The following DENND2A variants were observed in gnomAD, a reference collection of about 807,000 sequenced individuals.
DENND2A encodes the protein DENN domain-containing protein 2A.
In DENND2A, 53 loss-of-function variants were observed where a neutral mutation model predicts 105.3. That is an observed-to-expected ratio of 0.50 (90% CI 0.40 to 0.63). The LOEUF is 0.63. Ranked by LOEUF, DENND2A falls within the 30% of genes least tolerant of loss-of-function variation. The pLI, the probability that DENND2A is intolerant of heterozygous loss-of-function variation, is 0.00. For missense variants in DENND2A, 1,138 were observed against 1,279.6 expected (o/e 0.89, Z 1.69); for synonymous variants, 522 against 508.4 (o/e 1.03, Z -0.36).
At chr7:140,635,318 C>T (rs916288058) in intron 1 of DENND2A, among the ~76,000 whole-genome samples, 18 of 152,158 alleles carry the variant, frequency 1.2e-4, no homozygotes, top group Non-Finnish European at 2.2e-4. Context: ...ACAAATATAA[C>T]TTTCATAGAT....
chr7:140,534,102 T>TTTTTTTTTTTTTTTTTTTTG (rs1491445966), intron 14 of DENND2A, among the ~76,000 whole-genome samples: 1 of 132,314 alleles, frequency 7.6e-6, no homozygotes, highest in African/African-American at 2.9e-5. Context: ...TTTTTTTTTT[T>TTTTTTTTTTTTTTTTTTTTG]GAGATGGAGT....
At chr7:140,526,485 G>A (rs908447287) in intron 15 of DENND2A, among the ~76,000 whole-genome samples, 2 of 152,184 alleles carry the variant, frequency 1.3e-5, no homozygotes, top group African/African-American at 4.8e-5. Flanking sequence ...AACAACAGCT[G>A]GAAACATGTG....
chr7:140,575,795 C>G (rs1316358475), intron 5 of DENND2A, among the ~76,000 whole-genome samples: 4 of 151,910 alleles, frequency 2.6e-5, no homozygotes, highest in Admixed American at 2.6e-4. Flanking sequence ...TGGTGAAACC[C>G]CAGTCTCTAT....
intron 9 of DENND2A, among the ~76,000 whole-genome samples, chr7:140,563,380 T>C (rs755087511): frequency 6.6e-6 from 1 of 152,078 alleles, no homozygotes; most frequent in Non-Finnish European, 1.5e-5. Flanking sequence ...ACACGGAAAT[T>C]TCCCACAAAT....
chr7:140,583,763 A>G lies in DENND2A; in HGVS notation c.1245+1826T>C, dbSNP rs537083124. On this transcript the variant is annotated intron_variant, in intron 5 of 19. Coordinates refer to ENST00000496613, the MANE Select transcript of DENND2A (RefSeq NM_015689.5). Reference sequence around the variant, plus strand: ...TGAATGGTGAAACCCCGTCTCTACTAAAAATACAAAAAATTAGCCAGGCGT... The same window carrying G: ...TGAATGGTGAAACCCCGTCTCTACTGAAAATACAAAAAATTAGCCAGGCGT... Among the ~76,000 whole-genome samples the G allele has an allele frequency of 2.7e-5, 4 of 147,822 alleles. No homozygotes were observed. The East Asian group carries it at 5.9e-4, about 22-fold the overall frequency.
At position 140,602,214 on chromosome 7, in the gene DENND2A, G is replaced by A. The variant is rs2130687727; in HGVS notation, c.184C>T (p.Pro62Ser). 1 of 1,614,126 alleles carries A rather than the reference G, an allele frequency of 6.2e-7. No individual in the cohort carries two copies. The highest frequency in any genetic ancestry group is 1.7e-5 in the Admixed American group (1 of 60,020). ...EWEGKKEVPT[P>S]APSRRADGQE... is the part of the protein sequence containing the mutation. ...CCGTCTGCTCTCCTGCTGGGTGCAGGAGTGGGCACCTCTTTCTTCCCTTCC... is the reference window on the plus strand; with the variant it reads ...CCGTCTGCTCTCCTGCTGGGTGCAGAAGTGGGCACCTCTTTCTTCCCTTCC... The change falls in exon 3 of 20, where the codon CCT becomes TCT. Residue 62 changes from proline to serine, a missense_variant. This residue lies in a region of DENND2A where 511 missense variants were observed against 499.9 expected (regional missense o/e 1.02). Transcript: ENST00000496613.
At chr7:140,557,564 G>C (rs1797427955) in intron 11 of DENND2A, among the ~76,000 whole-genome samples, 1 of 60,236 alleles carries the variant, frequency 1.7e-5, no homozygotes, top group Non-Finnish European at 3.3e-5. Flanking sequence ...TTTTGAGACG[G>C]AGTTTCGCTC....
intron 12 of DENND2A, among the ~76,000 whole-genome samples, chr7:140,549,921 A>G (rs889242585): frequency 1.3e-5 from 2 of 152,232 alleles, no homozygotes; most frequent in African/African-American, 4.8e-5. Context: ...GTACATACAT[A>G]CAGTGGAATA....
At chr7:140,619,563 A>T (rs1428982846) in intron 1 of DENND2A, among the ~76,000 whole-genome samples, 1 of 151,710 alleles carries the variant, frequency 6.6e-6, no homozygotes, top group Non-Finnish European at 1.5e-5. Context: ...GCAGTGGTGC[A>T]ATCTCAGCTC....
In DENND2A at chr7:140,527,378, G is replaced by C; in HGVS notation, c.2445C>G (p.Pro815=). 2 of 1,606,688 alleles carry C rather than the reference G, an allele frequency of 1.2e-6. No individual in the cohort carries two copies. Among genetic ancestry groups the C allele is most frequent in the Non-Finnish European group, 1.7e-6 (2 of 1,177,840 alleles). The change falls in exon 15 of 20, where the codon CCC becomes CCG. Residue 815 remains proline, a synonymous_variant. Coordinates refer to ENST00000496613, the MANE Select transcript of DENND2A (RefSeq NM_015689.5). The surrounding 1 kb of genome is among the most constrained non-coding windows in gnomAD (Gnocchi z 4.9). ...AGCTGGAGAGCAGCCCGATGAGGAA[G>C]GGCGTCGGCGAGCACACGATGTCGA... is the stretch of plus-strand genomic sequence containing the variant. ...AMVDIVCSPT[P]FLIGLLSSSL... is the part of the protein sequence containing the mutation.
At chr7:140,570,891 T>C (rs1348406291) in intron 6 of DENND2A, among the ~76,000 whole-genome samples, 1 of 152,250 alleles carries the variant, frequency 6.6e-6, no homozygotes, top group Non-Finnish European at 1.5e-5. Context: ...GTTTTCCCTC[T>C]TCTTGCGTGA....
intron 6 of DENND2A, among the ~76,000 whole-genome samples, chr7:140,571,882 C>T (rs956401541): frequency 2.6e-5 from 4 of 152,130 alleles, no homozygotes; most frequent in Non-Finnish European, 5.9e-5. Context: ...TCAGACTTGC[C>T]AAGTCCTTTC....
chr7:140,608,530 A>G (rs1363436581), intron 1 of DENND2A, among the ~76,000 whole-genome samples: 1 of 151,612 alleles, frequency 6.6e-6, no homozygotes, highest in Admixed American at 6.6e-5. Context: ...ACAAAAATTA[A>G]CCGGGTGTGC....
chr7:140,601,300 T>G (rs1024441315), intron 3 of DENND2A, 103 bp downstream of exon 3: 2 of 1,446,234 alleles, frequency 1.4e-6, no homozygotes, highest in African/African-American at 1.4e-5. Context: ...ATCCATCAGT[T>G]TAATAAAACA....
chr7:140,519,521 T>G, intron 19 of DENND2A, 111 bp downstream of exon 19: 1 of 881,488 alleles, frequency 1.1e-6, no homozygotes, highest in South Asian at 1.5e-5. Context: ...GCGCAGGCCG[T>G]AGAGCTCTGC....
chr7:140,547,889 AAT>A (rs1284372014), intron 12 of DENND2A, among the ~76,000 whole-genome samples: 2 of 152,188 alleles, frequency 1.3e-5, no homozygotes, highest in Non-Finnish European at 2.9e-5. Context: ...AAGGCCATCT[AAT>A]GTATGATTCC....
chr7:140,632,629 C>T (rs1345608912), intron 1 of DENND2A, among the ~76,000 whole-genome samples: 5 of 152,188 alleles, frequency 3.3e-5, no homozygotes, highest in Admixed American at 6.5e-5. Flanking sequence ...AGTGCAGTGG[C>T]GCGATCTCGG....
At chr7:140,557,969 A>G (rs1407626157) in intron 11 of DENND2A, among the ~76,000 whole-genome samples, 174 bp downstream of exon 11, 1 of 151,792 alleles carries the variant, frequency 6.6e-6, no homozygotes, top group Non-Finnish European at 1.5e-5. Context: ...ACCATGCCAG[A>G]TTTTTTCTGT....
At chr7:140,531,810 T>C (rs1796281212) in intron 14 of DENND2A, among the ~76,000 whole-genome samples, 1 of 121,730 alleles carries the variant, frequency 8.2e-6, no homozygotes, top group Non-Finnish European at 1.7e-5. Flanking sequence ...CGCGAAACTC[T>C]GTCTCAAAGG....
Sources: allele counts gnomAD v4.1 joint callset (sites outside exome capture counted in the v4.1 genomes callset), GRCh38; gene constraint gnomAD v4.1.1; regional missense constraint gnomAD v4.1.1; non-coding constraint Gnocchi (gnomAD v3.1); transcripts MANE v1.5; gene names NCBI Gene and HGNC (gene_info 2026-07-23, HGNC 2026-07-21).